The following KCNK1 variants were observed in gnomAD, a reference collection of about 807,000 sequenced individuals.
KCNK1 encodes potassium two pore domain channel subfamily K member 1, also known as potassium channel subfamily K member 1.
In KCNK1, 10 loss-of-function variants were observed where a neutral mutation model predicts 22.2. That is an observed-to-expected ratio of 0.45 (90% CI 0.28 to 0.76). The LOEUF (loss-of-function observed/expected upper bound fraction) is 0.76. Among genes scored for constraint, KCNK1 ranks in the 30% least tolerant of loss-of-function variants. The pLI, the probability that KCNK1 is intolerant of heterozygous loss-of-function variation, is 0.14. For synonymous variants in KCNK1, 200 were observed against 186.4 expected (o/e 1.07, Z -0.60); for missense variants, 378 against 421.0 (o/e 0.90, Z 0.89).
chr1:233,638,748 G>T (rs1333026904), intron 1 of KCNK1, among the ~76,000 whole-genome samples: 1 of 152,194 alleles, frequency 6.6e-6, no homozygotes. Flanking sequence ...GCATCCATGG[G>T]CTCGATGACT....
At chr1:233,633,410 A>AT (rs2102889824) in intron 1 of KCNK1, among the ~76,000 whole-genome samples, 1 of 152,262 alleles carries the variant, frequency 6.6e-6, no homozygotes, top group South Asian at 2.1e-4. Context: ...TCCTTGGGAA[A>AT]TGATGATAGC....
rs140745317 is a variant in KCNK1, at chr1:233,614,150, C to CTTGGCTTTGGTT, written c.-17_-16insTTTGGTTTTGGC. On this transcript the variant is annotated 5_prime_UTR_variant, in exon 1 of 3. Transcript: ENST00000366621. ...GCTCCGGCCGGTCTGCGGCGTTGGCCTTGGCGGCGGCGGTGGAGAAGATGC... is the reference window on the plus strand; with the variant it reads ...GCTCCGGCCGGTCTGCGGCGTTGGCCTTGGCTTTGGTTTTGGCGGCGGCGGTGGAGAAGATGC... The CTTGGCTTTGGTT allele has an allele frequency of 6.5e-7, 1 of 1,537,808 alleles. No homozygotes were observed.
At chr1:233,654,876 A>G (rs1658262772) in intron 1 of KCNK1, among the ~76,000 whole-genome samples, 1 of 152,214 alleles carries the variant, frequency 6.6e-6, no homozygotes, top group Non-Finnish European at 1.5e-5. Flanking sequence ...TTCAGAAGTA[A>G]TTGGGGCTGC....
intron 1 of KCNK1, among the ~76,000 whole-genome samples, chr1:233,626,042 G>A (rs969990709): frequency 9.9e-5 from 15 of 151,944 alleles, no homozygotes; most frequent in African/African-American, 2.7e-4. Context: ...GTTCCAACGC[G>A]TTCACTCTGG....
Position 233,648,995 on chromosome 1 carries a change from C to T in KCNK1, c.356-17600C>T, listed in dbSNP as rs540131210. On this transcript the variant is annotated intron_variant, in intron 1 of 2. Transcript: ENST00000366621. ...TATCTGTGGAAGACCTTGGAAGACC[C>T]CACTCAGGGTTGTTCTGAAAGGGAT... 2.0e-5 allele frequency among the ~76,000 whole-genome samples: 3 copies of T among 152,246 alleles called. No individual in the cohort carries two copies. In the South Asian group the frequency reaches 6.2e-4, roughly 32 times the overall value.
chr1:233,671,290 T>C lies in KCNK1; in HGVS notation c.771T>C (p.Leu257=). The C allele has an allele frequency of 6.2e-7, 1 of 1,614,216 alleles. No homozygotes were observed. Reference sequence around the variant, plus strand: ...ACACAGGTTACCTGCTACTTGGCCTTATTGCCATGTTGGTAGTTCTGGAAA... The same window carrying C: ...ACACAGGTTACCTGCTACTTGGCCTCATTGCCATGTTGGTAGTTCTGGAAA... ...IGITCYLLLG[L]IAMLVVLETF... Residue 257 remains leucine, a synonymous_variant, in exon 3 of 3, where the codon CTT becomes CTC. Coordinates refer to ENST00000366621, the MANE Select transcript of KCNK1 (RefSeq NM_002245.4).
rs775908211 is a variant in KCNK1 at position 233,671,437 on chromosome 1, C to G, written c.918C>G (p.Asp306Glu). 1 of 1,614,172 alleles carries G rather than the reference C, an allele frequency of 6.2e-7. No individual in the cohort carries two copies. The highest frequency in any genetic ancestry group is 1.1e-5 in the South Asian group (1 of 91,086). Reference sequence around the variant, plus strand: ...AACTGTCCTTCTCCTCGATCACAGACCAGGCAGCTGGCATGAAAGAGGACC... The same window carrying G: ...AACTGTCCTTCTCCTCGATCACAGAGCAGGCAGCTGGCATGAAAGAGGACC... Reference protein sequence around the residue: ...HDQLSFSSITDQAAGMKEDQK... With the variant: ...HDQLSFSSITEQAAGMKEDQK... The change falls in exon 3 of 3, where the codon GAC becomes GAG. Residue 306 changes from aspartate (D) to glutamate (E), a missense_variant. Transcript: ENST00000366621.
chr1:233,642,548 C>T (rs1444940704), intron 1 of KCNK1, among the ~76,000 whole-genome samples: 1 of 152,170 alleles, frequency 6.6e-6, no homozygotes, highest in Non-Finnish European at 1.5e-5. Context: ...TCCTGGTTCT[C>T]TGATGCAGGC....
At chr1:233,625,108 C>G (rs1657664768) in intron 1 of KCNK1, among the ~76,000 whole-genome samples, 1 of 152,174 alleles carries the variant, frequency 6.6e-6, no homozygotes, top group African/African-American at 2.4e-5. Flanking sequence ...CCCAAAAACA[C>G]AGGGGAAACC....
chr1:233,622,444 C>T (rs552936025), intron 1 of KCNK1, among the ~76,000 whole-genome samples: 2 of 152,324 alleles, frequency 1.3e-5, no homozygotes, highest in African/African-American at 4.8e-5. Context: ...TAAAGGTTGT[C>T]ACTTTATTGG....
intron 1 of KCNK1, among the ~76,000 whole-genome samples, chr1:233,622,904 C>G (rs1028607309): frequency 2.0e-5 from 3 of 152,120 alleles, no homozygotes; most frequent in African/African-American, 7.2e-5. Flanking sequence ...TGCATTAGCT[C>G]CTCTGACTGG....
At chr1:233,634,642 T>C (rs142094627) in intron 1 of KCNK1, among the ~76,000 whole-genome samples, 8 of 152,350 alleles carry the variant, frequency 5.3e-5, no homozygotes, top group Non-Finnish European at 1.0e-4. Context: ...GGGATTGTTA[T>C]GCCCACCAGA....
At chr1:233,642,710 G>A (rs1034294509) in intron 1 of KCNK1, among the ~76,000 whole-genome samples, 6 of 152,106 alleles carry the variant, frequency 3.9e-5, no homozygotes, top group South Asian at 2.1e-4. Flanking sequence ...ACACAGCAGC[G>A]GTGATAGAGT....
In KCNK1 at chr1:233,669,730, A is replaced by T. The variant is rs563852154; in HGVS notation, c.752-1541A>T. Among the ~76,000 whole-genome samples, 3 of 152,256 alleles carry T rather than the reference A, an allele frequency of 2.0e-5. No individual in the cohort carries two copies. In the East Asian group the frequency reaches 5.8e-4, roughly 29 times the overall value. ...AAAATCACTTGAACCTGGGAGGCGG[A>T]GGTTGCAGTAAGCCAACATCATGCC... is the stretch of plus-strand genomic sequence containing the variant. On this transcript the variant is annotated intron_variant, in intron 2 of 2. Coordinates refer to ENST00000366621, the MANE Select transcript of KCNK1 (RefSeq NM_002245.4).
chr1:233,644,256 C>A (rs974056605), intron 1 of KCNK1, among the ~76,000 whole-genome samples: 6 of 152,178 alleles, frequency 3.9e-5, no homozygotes, highest in Admixed American at 3.9e-4. Flanking sequence ...ACACACCACC[C>A]AGAAGGCCCC....
intron 1 of KCNK1, among the ~76,000 whole-genome samples, chr1:233,649,259 A>G (rs1214675466): frequency 6.6e-6 from 1 of 152,210 alleles, no homozygotes; most frequent in African/African-American, 2.4e-5. Flanking sequence ...CTAACTAGAA[A>G]TCCACTTTCC....
At chr1:233,619,334 A>T (rs1203887575) in intron 1 of KCNK1, among the ~76,000 whole-genome samples, 1 of 151,964 alleles carries the variant, frequency 6.6e-6, no homozygotes, top group Non-Finnish European at 1.5e-5. Context: ...TGTTCCTGCC[A>T]TTGGTAACCC....
intron 1 of KCNK1, among the ~76,000 whole-genome samples, chr1:233,661,041 G>T (rs981890805): frequency 1.3e-5 from 2 of 152,108 alleles, no homozygotes; most frequent in Non-Finnish European, 2.9e-5. Flanking sequence ...TGTTATGAAG[G>T]TTCACAATTA....
intron 2 of KCNK1, among the ~76,000 whole-genome samples, chr1:233,667,655 G>A (rs1383295381): frequency 6.7e-6 from 1 of 148,612 alleles, no homozygotes; most frequent in Non-Finnish European, 1.5e-5. Flanking sequence ...GCGTGAACCC[G>A]GGAGGCGGAG....
Sources: gnomAD v4.1 joint callset for allele counts (sites outside exome capture counted in the v4.1 genomes callset) on GRCh38, gnomAD v4.1.1 for gene constraint, MANE v1.5 for transcripts, NCBI Gene and HGNC (gene_info 2026-07-23, HGNC 2026-07-21) for gene names.